MXRA5: variants seen among roughly 807,000 people sequenced by gnomAD.
MXRA5 encodes matrix-remodeling-associated protein 5.
MXRA5 carries 41 observed loss-of-function variants against 112.5 expected under a neutral mutation model. The ratio of observed to expected loss-of-function variants is 0.36; its 90% CI spans 0.28 to 0.47. MXRA5 has a LOEUF of 0.47. MXRA5 is among the 20% of genes least tolerant of loss of function. MXRA5 has a pLI of 0.99. For synonymous variants in MXRA5, 862 were observed against 900.8 expected (o/e 0.96, Z 0.77); for missense variants, 2,150 against 2,251.0 (o/e 0.96, Z 0.91).
intron 2 of MXRA5, among the ~76,000 whole-genome samples, chrX:3,339,127 T>C (rs1429817808): frequency 9.0e-6 from 1 of 111,490 alleles, no homozygotes; most frequent in Non-Finnish European, 1.9e-5. Context: ...AGGATAATAC[T>C]GGTTGATTTC....
At chrX:3,315,459 C>G (rs1371018247) in intron 6 of MXRA5, among the ~76,000 whole-genome samples, 1 of 106,541 alleles carries the variant, frequency 9.4e-6, no homozygotes, top group Non-Finnish European at 1.9e-5. Flanking sequence ...GACCTTGGCA[C>G]TATGGACATT....
In MXRA5 at chrX:3,311,510, G is replaced by A. The variant is rs773178769; in HGVS notation, c.6693C>T (p.Tyr2231=). The A allele has an allele frequency of 2.5e-6, 3 of 1,211,673 alleles. No homozygotes were observed. The highest frequency in any genetic ancestry group is 3.5e-5 in the South Asian group (2 of 56,964). ...TCACCACATCCACTTTGAGCACCAC[G>A]TAGTCATCACCAACCTTATTTCGAG... is the stretch of plus-strand genomic sequence containing the variant. ...CVARNKVGDD[Y]VVLKVDVVMK... Residue 2231 remains tyrosine (Y), a synonymous_variant, in exon 7 of 7, where the codon TAC becomes TAT. Coordinates refer to ENST00000217939, the MANE Select transcript of MXRA5 (RefSeq NM_015419.4).
intron 4 of MXRA5, among the ~76,000 whole-genome samples, chrX:3,326,226 A>G (rs1190220574): frequency 5.1e-4 from 4 of 7,816 alleles, no homozygotes; most frequent in Admixed American, 1.2e-3. Context: ...ATTTATATAT[A>G]AATATATATA....
chrX:3,315,614 G>A (rs1315125027), intron 6 of MXRA5, among the ~76,000 whole-genome samples: 1 of 109,944 alleles, frequency 9.1e-6, no homozygotes, highest in Non-Finnish European at 1.9e-5. Context: ...ATATTGCCAA[G>A]TGTTGTCTTG....
At position 3,322,353 on chromosome X, in the gene MXRA5, T is replaced by C. The variant is rs1569183503; in HGVS notation, c.3332A>G (p.Lys1111Arg). 8.3e-7 allele frequency: 1 copy of C among 1,211,626 alleles called. No homozygotes were observed. The highest frequency in any genetic ancestry group is 2.2e-5 in the Admixed American group (1 of 46,000). Reference sequence around the variant, plus strand: ...GGTACCAACTGTGGTTTCCGCAGGCTTCTTAACTGGAGACATACTGCTCAT... The same window carrying C: ...GGTACCAACTGTGGTTTCCGCAGGCCTCTTAACTGGAGACATACTGCTCAT... Reference protein sequence around the residue: ...GIMSSMSPVKKPAETTVGTLL... With the variant: ...GIMSSMSPVKRPAETTVGTLL... The change falls in exon 5 of 7, where the codon AAG (lysine) becomes AGG (arginine). Residue 1111 changes from lysine (K) to arginine (R), a missense_variant. By Grantham distance (26) the Lys-to-Arg change is conservative (BLOSUM62 2). Coordinates refer to ENST00000217939, the MANE Select transcript of MXRA5 (RefSeq NM_015419.4).
chrX:3,319,135 T>C, intron 5 of MXRA5, among the ~76,000 whole-genome samples: 1 of 112,437 alleles, frequency 8.9e-6, no homozygotes, highest in East Asian at 2.8e-4. Flanking sequence ...AGTGATATTA[T>C]ACTCATGGCA....
chrX:3,321,498 G>C lies in MXRA5; in HGVS notation c.4187C>G (p.Pro1396Arg). 8.3e-7 allele frequency: 1 copy of C among 1,211,162 alleles called. No homozygotes were observed. Among genetic ancestry groups the C allele is most frequent in the South Asian group, 1.8e-5 (1 of 56,842 alleles). ...AQPGRLQTGI[P>R]VTTSGENLTD... ...AAGATTTTCCCCAGAAGTGGTAACA[G>C]GTATGCCTGTCTGTAGCCTCCCAGG... Residue 1396 changes from proline (P) to arginine (R), a missense_variant, in exon 5 of 7, where the codon CCT becomes CGT. This residue lies in a region of MXRA5 where 1,485 missense variants were observed against 1,471.6 expected (regional missense o/e 1.01). Coordinates refer to ENST00000217939, the MANE Select transcript of MXRA5 (RefSeq NM_015419.4).
In MXRA5 at chrX:3,317,583, G is replaced by A; in HGVS notation, c.6098C>T (p.Ala2033Val). ...GTGCAGGCGGATGGCCAGGCTGTCC[G>A]CCCCGGCTGCATTGCTGGCCACGCA... is the stretch of plus-strand genomic sequence containing the variant. ...YKCVASNAAGADSLAIRLHVA... is the reference protein window; with the variant it reads ...YKCVASNAAGVDSLAIRLHVA... Residue 2033 changes from alanine (A) to valine (V), a missense_variant, in exon 6 of 7, where the codon GCG (alanine) becomes GTG (valine). Physicochemically the swap from Ala to Val is moderately conservative, Grantham distance 64. Around this residue, in one of 6 missense-constraint regions of MXRA5, gnomAD observed 1,485 missense variants for 1,471.6 expected, o/e 1.01. Coordinates refer to ENST00000217939, the MANE Select transcript of MXRA5 (RefSeq NM_015419.4). 1 of 1,210,565 alleles carries A rather than the reference G, an allele frequency of 8.3e-7. No individual in the cohort carries two copies. The highest frequency in any genetic ancestry group is 1.1e-6 in the Non-Finnish European group (1 of 895,176).
At chrX:3,342,930 A>G (rs1740596204) in intron 2 of MXRA5, among the ~76,000 whole-genome samples, 1 of 112,556 alleles carries the variant, frequency 8.9e-6, no homozygotes, top group African/African-American at 3.2e-5. Context: ...TATTTCACAA[A>G]CACTAATTTA....
chrX:3,320,331 G>A lies in MXRA5; in HGVS notation c.5354C>T (p.Pro1785Leu), dbSNP rs957998828. The change falls in exon 5 of 7, where the codon CCG (proline) becomes CTG (leucine). Residue 1785 changes from proline to leucine, a missense_variant. Pro to Leu is a moderately conservative substitution (Grantham distance 98). Transcript: ENST00000217939. ...CGGAGTGTGCAACAACGGAGGTGCC[G>A]GAGGGCCAAAGTCCAGATGGAAGGT... The part of the protein sequence containing the change: ...HSTFHLDFGP[P>L]APPLLHTPQT... 7 of 1,211,982 alleles carry A rather than the reference G, an allele frequency of 5.8e-6. No individual in the cohort carries two copies. Among genetic ancestry groups the A allele is most frequent in the African/African-American group, 1.7e-5 (1 of 57,872 alleles).
chrX:3,330,873 G>T, intron 2 of MXRA5, 100 bp from the exon 3 acceptor site: 1 of 525,420 alleles, frequency 1.9e-6, no homozygotes, highest in Non-Finnish European at 2.8e-6. Flanking sequence ...GCCTGCCCAA[G>T]AGCAAATTAG....
intron 2 of MXRA5, among the ~76,000 whole-genome samples, chrX:3,332,852 C>T (rs1026221382): frequency 9.0e-6 from 1 of 111,694 alleles, no homozygotes; most frequent in East Asian, 2.8e-4. Flanking sequence ...GAATTGGGCT[C>T]ATAGCTATGT....
chrX:3,341,972 G>T (rs1186053330), intron 2 of MXRA5, among the ~76,000 whole-genome samples: 1 of 108,956 alleles, frequency 9.2e-6, no homozygotes, highest in Non-Finnish European at 1.9e-5. Context: ...CCTTCCCCCA[G>T]GATTCAAATG....
intron 6 of MXRA5, 76 bp from the exon 7 acceptor site, chrX:3,311,700 C>A: frequency 1.1e-6 from 1 of 877,155 alleles, no homozygotes; most frequent in Non-Finnish European, 1.6e-6. Context: ...GCTGGAATAA[C>A]ACAAAAATAG....
At chrX:3,342,063 A>G (rs919227025) in intron 2 of MXRA5, among the ~76,000 whole-genome samples, 1 of 110,770 alleles carries the variant, frequency 9.0e-6, no homozygotes, top group Non-Finnish European at 1.9e-5. Flanking sequence ...GCAGCCATAA[A>G]AAGGAAGGAA....
chrX:3,313,224 G>A (rs1422831029), intron 6 of MXRA5, among the ~76,000 whole-genome samples: 1 of 112,532 alleles, frequency 8.9e-6, no homozygotes, highest in Non-Finnish European at 1.9e-5. Context: ...TGCATCGTGA[G>A]AGATTCAGCT....
chrX:3,323,015 G>A lies in MXRA5; in HGVS notation c.2670C>T (p.Asp890=), dbSNP rs371023263. 1.7e-5 allele frequency: 20 copies of A among 1,209,576 alleles called. No individual in the cohort carries two copies. The highest frequency in any genetic ancestry group is 1.4e-4 in the South Asian group (8 of 56,740). ...TTATCTCCTCAGTCTTCTCGGAAAG[G>A]TCATCAACAACTTCCTCCAGAGGTG... ...TSTPLEEVVD[D]LSEKTEEITS... Residue 890 remains aspartate (D), a synonymous_variant, in exon 5 of 7, where the codon GAC becomes GAT. Transcript: ENST00000217939.
chrX:3,342,042 T>C (rs1227708589), intron 2 of MXRA5, among the ~76,000 whole-genome samples: 1 of 82,797 alleles, frequency 1.2e-5, no homozygotes, highest in Admixed American at 1.3e-4. Flanking sequence ...ATATACACCA[T>C]GGAATACTAT....
rs1462059869 is a variant in MXRA5 at position 3,311,354 on chromosome X, A to G, written c.6849T>C (p.Ser2283=). Residue 2283 remains serine (S), a synonymous_variant, in exon 7 of 7, where the codon AGT becomes AGC. Coordinates refer to ENST00000217939, the MANE Select transcript of MXRA5 (RefSeq NM_015419.4). ...CCGACTGCATGAAGGAGTTCACCAGACTCCCGTCTGGGAGGCTCCAGGAGA... is the reference window on the plus strand; with the variant it reads ...CCGACTGCATGAAGGAGTTCACCAGGCTCCCGTCTGGGAGGCTCCAGGAGA... ...PEISWSLPDG[S]LVNSFMQSDD... is the part of the protein sequence containing the mutation. The G allele has an allele frequency of 7.4e-6, 9 of 1,209,641 alleles. No individual in the cohort carries two copies. Among genetic ancestry groups the G allele is most frequent in the Non-Finnish European group, 1.0e-5 (9 of 894,911 alleles).
Sources: allele counts gnomAD v4.1 joint callset (sites outside exome capture counted in the v4.1 genomes callset), GRCh38; gene constraint gnomAD v4.1.1; regional missense constraint gnomAD v4.1.1; transcripts MANE v1.5; gene names NCBI Gene and HGNC (gene_info 2026-07-23, HGNC 2026-07-21).